The following CMKLR2 variants were observed in gnomAD, a reference collection of about 807,000 sequenced individuals.
CMKLR2 encodes chemerin-like receptor 2.
In CMKLR2, 18 loss-of-function variants were observed where a neutral mutation model predicts 23.0. The observed-to-expected ratio is 0.78, with a 90% CI of 0.54 to 1.16. CMKLR2 has a LOEUF of 1.16. CMKLR2 is among the 50% of genes most tolerant of loss of function. CMKLR2 has a pLI of 0.00. For missense variants in CMKLR2, 401 were observed against 412.7 expected (o/e 0.97, Z 0.25); for synonymous variants, 158 against 158.9 (o/e 0.99, Z 0.05).
At chr2:206,208,407 G>A (rs1041049521) in intron 1 of CMKLR2, among the ~76,000 whole-genome samples, 1 of 152,062 alleles carries the variant, frequency 6.6e-6, no homozygotes, top group African/African-American at 2.4e-5. Flanking sequence ...AGGCATGGTG[G>A]TATATGCCTG....
chr2:206,204,399 A>T (rs1243033308), intron 1 of CMKLR2, among the ~76,000 whole-genome samples: 1 of 150,160 alleles, frequency 6.7e-6, no homozygotes, highest in East Asian at 1.9e-4. Flanking sequence ...TTATGACTTT[A>T]CTTGATTCTT....
chr2:206,196,317 T>G (rs949885770), intron 1 of CMKLR2, among the ~76,000 whole-genome samples: 3 of 152,054 alleles, frequency 2.0e-5, no homozygotes, highest in African/African-American at 7.2e-5. Context: ...CAGGTTGCAG[T>G]GAGCCAAGAT....
chr2:206,181,982 TA>T (rs1188603790), intron 1 of CMKLR2, among the ~76,000 whole-genome samples: 2 of 128,596 alleles, frequency 1.6e-5, no homozygotes, highest in East Asian at 4.6e-4. Context: ...AAGGAAACCA[TA>T]AGGAAGAAAA....
chr2:206,184,322 G>A (rs1242201722), intron 1 of CMKLR2, among the ~76,000 whole-genome samples: 1 of 142,458 alleles, frequency 7.0e-6, no homozygotes, highest in Non-Finnish European at 1.5e-5. Context: ...TTTAAGACAG[G>A]TTTCGCTCTT....
At chr2:206,186,156 G>A (rs1277244780) in intron 1 of CMKLR2, among the ~76,000 whole-genome samples, 1 of 147,484 alleles carries the variant, frequency 6.8e-6, no homozygotes, top group Non-Finnish European at 1.5e-5. Context: ...CTGTCACCCA[G>A]GCTGGAGTGC....
chr2:206,199,826 C>T (rs1333086727), intron 1 of CMKLR2, among the ~76,000 whole-genome samples: 1 of 152,008 alleles, frequency 6.6e-6, no homozygotes, highest in African/African-American at 2.4e-5. Context: ...AGGTGATCCA[C>T]CTGCCTCGCC....
At chr2:206,196,409 A>G (rs554735371) in intron 1 of CMKLR2, among the ~76,000 whole-genome samples, 1 of 151,940 alleles carries the variant, frequency 6.6e-6, no homozygotes, top group African/African-American at 2.4e-5. Flanking sequence ...TAAATAAATA[A>G]ATAGTGTTTA....
At position 206,177,047 on chromosome 2, in the gene CMKLR2, C is replaced by G. The variant is rs1688252396; in HGVS notation, c.201G>C (p.Trp67Cys). The change falls in exon 2 of 2, where the codon TGG (tryptophan) becomes TGC (cysteine). Residue 67 changes from tryptophan (W) to cysteine (C), a missense_variant. Transcript: ENST00000621141. ...AIVIWFTGFKWKKTVTTLWFL... is the reference protein window; with the variant it reads ...AIVIWFTGFKCKKTVTTLWFL... ...ACCACAGAGTGGTGACTGTCTTCTT[C>G]CACTTGAACCCCGTGAACCAAATGA... The G allele has an allele frequency of 1.9e-6, 3 of 1,614,176 alleles. No homozygotes were observed. Among genetic ancestry groups the G allele is most frequent in the Non-Finnish European group, 2.5e-6 (3 of 1,180,022 alleles).
intron 1 of CMKLR2, among the ~76,000 whole-genome samples, chr2:206,211,754 A>G (rs1689572381): frequency 1.3e-5 from 2 of 150,544 alleles, no homozygotes; most frequent in African/African-American, 2.5e-5. Context: ...AAACAAAAAA[A>G]CACACACATT....
intron 1 of CMKLR2, among the ~76,000 whole-genome samples, chr2:206,189,582 C>G (rs922066790): frequency 6.7e-6 from 1 of 149,874 alleles, no homozygotes; most frequent in Non-Finnish European, 1.5e-5. Context: ...TTGCAATGAG[C>G]AAAGATGGTG....
chr2:206,217,402 C>T (rs971656382), upstream of CMKLR2: 5 of 152,260 alleles, frequency 3.3e-5, no homozygotes, highest in South Asian at 6.2e-4. Flanking sequence ...AGCGAGGAAC[C>T]ATGGCAACCC....
intron 1 of CMKLR2, among the ~76,000 whole-genome samples, chr2:206,202,020 TA>T (rs1451262322): frequency 6.6e-6 from 1 of 152,230 alleles, no homozygotes; most frequent in Non-Finnish European, 1.5e-5. Context: ...CAGAATTTCC[TA>T]AAGATTATAG....
chr2:206,202,657 A>G (rs1268626960), intron 1 of CMKLR2, among the ~76,000 whole-genome samples: 1 of 145,020 alleles, frequency 6.9e-6, no homozygotes, highest in Non-Finnish European at 1.5e-5. Context: ...CGTCATAGCT[A>G]TTCGCCCAGG....
At chr2:206,191,505 A>T (rs1019321451) in intron 1 of CMKLR2, among the ~76,000 whole-genome samples, 1 of 152,076 alleles carries the variant, frequency 6.6e-6, no homozygotes. Flanking sequence ...AAAAATACTG[A>T]ATCTGCATGG....
At chr2:206,208,467 G>A (rs898574192) in intron 1 of CMKLR2, among the ~76,000 whole-genome samples, 3 of 152,052 alleles carry the variant, frequency 2.0e-5, no homozygotes, top group Admixed American at 6.6e-5. Flanking sequence ...CCAGAAGGTC[G>A]AGGTTACAGT....
chr2:206,205,698 T>C (rs938471456), intron 1 of CMKLR2, among the ~76,000 whole-genome samples: 18 of 151,684 alleles, frequency 1.2e-4, no homozygotes, highest in Admixed American at 7.2e-4. Context: ...GTATTATTAT[T>C]ATTATTATTA....
At chr2:206,205,109 C>A (rs1689263255) in intron 1 of CMKLR2, among the ~76,000 whole-genome samples, 1 of 151,988 alleles carries the variant, frequency 6.6e-6, no homozygotes, top group Admixed American at 6.6e-5. Context: ...TTACTGATTG[C>A]TTGAGAAATA....
At chr2:206,198,736 TG>T (rs1688996493) in intron 1 of CMKLR2, among the ~76,000 whole-genome samples, 1 of 152,202 alleles carries the variant, frequency 6.6e-6, no homozygotes, top group South Asian at 2.1e-4. Context: ...AAATTATTAG[TG>T]TTTCTGATTC....
chr2:206,200,794 G>C (rs1689069781), intron 1 of CMKLR2, among the ~76,000 whole-genome samples: 1 of 152,124 alleles, frequency 6.6e-6, no homozygotes, highest in Non-Finnish European at 1.5e-5. Flanking sequence ...AACTTGGAAG[G>C]AACACAGTAA....
Sources: gnomAD v4.1 joint callset for allele counts (sites outside exome capture counted in the v4.1 genomes callset) on GRCh38, gnomAD v4.1.1 for gene constraint, MANE v1.5 for transcripts, NCBI Gene and HGNC (gene_info 2026-07-23, HGNC 2026-07-21) for gene names.